The following TENM2 variants were observed in gnomAD, a reference collection of about 807,000 sequenced individuals.
The protein encoded by TENM2 is teneurin transmembrane protein 2.
TENM2 carries 52 observed loss-of-function variants against 245.2 expected under a neutral mutation model. The observed-to-expected ratio is 0.21, with a 90% CI of 0.17 to 0.27. The LOEUF is 0.27. TENM2 is among the 10% of genes least tolerant of loss of function. The pLI is 1.00. For missense variants in TENM2, 3,046 were observed against 3,666.8 expected (o/e 0.83, Z 4.37); for synonymous variants, 1,363 against 1,438.9 (o/e 0.95, Z 1.19).
intron 2 of TENM2, among the ~76,000 whole-genome samples, chr5:167,465,863 A>C (rs1218382337): frequency 1.3e-5 from 2 of 152,016 alleles, no homozygotes; most frequent in Non-Finnish European, 2.9e-5. Context: ...AAACATGCCC[A>C]AGGTCACAAA....
intron 2 of TENM2, among the ~76,000 whole-genome samples, chr5:167,419,129 G>GATAGATAGA (rs1763338269): frequency 6.7e-6 from 1 of 150,280 alleles, no homozygotes; most frequent in Non-Finnish European, 1.5e-5. Context: ...AGATGTGTAT[G>GATAGATAGA]TAGATAGATA....
intron 2 of TENM2, among the ~76,000 whole-genome samples, chr5:167,436,410 A>G (rs1009060265): frequency 5.9e-5 from 9 of 152,136 alleles, no homozygotes; most frequent in African/African-American, 2.2e-4. Context: ...CAAAGCATTC[A>G]AGAGGTAATT....
the TENM2 span, among the ~76,000 whole-genome samples, chr5:167,054,591 A>G: frequency 1.3e-5 from 2 of 152,102 alleles, no homozygotes; most frequent in Non-Finnish European, 2.9e-5. Flanking sequence ...ATATTTAGTT[A>G]TGAGAGAAAC....
At chr5:167,280,730 ATATC>A (rs1449954767), upstream of TENM2, among the ~76,000 whole-genome samples, 3 of 149,418 alleles carry the variant, frequency 2.0e-5, no homozygotes, top group Admixed American at 1.3e-4. Flanking sequence ...TGGGATATCT[ATATC>A]TATCTGTCTG....
chr5:168,090,169 T>C (rs1449025452), intron 7 of TENM2, among the ~76,000 whole-genome samples: 1 of 150,624 alleles, frequency 6.6e-6, no homozygotes, highest in Non-Finnish European at 1.5e-5. Context: ...TCCTCTGTAT[T>C]ACATAATGCA....
the TENM2 span, among the ~76,000 whole-genome samples, chr5:167,278,059 T>G: frequency 1.3e-5 from 2 of 152,160 alleles, no homozygotes; most frequent in African/African-American, 4.8e-5. Context: ...ATCCCAGCAC[T>G]TTGGGAGGCT....
chr5:167,820,317 G>C (rs916356280), intron 2 of TENM2, among the ~76,000 whole-genome samples: 1 of 152,202 alleles, frequency 6.6e-6, no homozygotes, highest in Non-Finnish European at 1.5e-5. Flanking sequence ...GCCAGTGTGT[G>C]TTTTCCAGAG....
At chr5:167,146,059 A>C in the TENM2 span, among the ~76,000 whole-genome samples, 2 of 152,144 alleles carry the variant, frequency 1.3e-5, no homozygotes, top group African/African-American at 4.8e-5. Flanking sequence ...TTCTGAGTTT[A>C]TATTGAGACG....
At chr5:167,559,936 G>A (rs531678142) in intron 2 of TENM2, among the ~76,000 whole-genome samples, 3 of 152,210 alleles carry the variant, frequency 2.0e-5, no homozygotes, top group South Asian at 4.1e-4. Context: ...CCAAGTGCAG[G>A]GCTGACAGAC....
chr5:166,986,454 T>C, the TENM2 span, among the ~76,000 whole-genome samples: 1 of 152,220 alleles, frequency 6.6e-6, no homozygotes. Flanking sequence ...AAATTTCCTT[T>C]TCAAATAGAT....
exon 1 of TENM2, chr5:167,285,024 G>A: frequency 6.4e-7 from 1 of 1,552,210 alleles, no homozygotes; most frequent in Admixed American, 2.0e-5. Flanking sequence ...CCGAGTCACA[G>A]ACCTCATCCA....
At chr5:167,531,047 G>C (rs953468932) in intron 2 of TENM2, among the ~76,000 whole-genome samples, 1 of 152,206 alleles carries the variant, frequency 6.6e-6, no homozygotes, top group African/African-American at 2.4e-5. Flanking sequence ...GCCTTCAAAT[G>C]AATGACACCG....
chr5:167,598,655 T>C (rs912180829), intron 2 of TENM2, among the ~76,000 whole-genome samples: 9 of 152,186 alleles, frequency 5.9e-5, no homozygotes, highest in Non-Finnish European at 1.0e-4. Context: ...CTGTGAAATT[T>C]AAACTACATC....
At chr5:167,382,692 C>T (rs1050654500) in intron 2 of TENM2, among the ~76,000 whole-genome samples, 2 of 152,076 alleles carry the variant, frequency 1.3e-5, no homozygotes, top group Non-Finnish European at 2.9e-5. Flanking sequence ...AAAAGATAAA[C>T]ACCATGGCAG....
chr5:166,994,227 C>A, the TENM2 span, among the ~76,000 whole-genome samples: 1 of 152,196 alleles, frequency 6.6e-6, no homozygotes, highest in African/African-American at 2.4e-5. Flanking sequence ...TGAAAGATAG[C>A]AAAATTCACT....
At chr5:167,876,005 A>T in exon 3 of TENM2, 1 of 1,550,898 alleles carries the variant, frequency 6.4e-7, no homozygotes, top group Non-Finnish European at 8.7e-7. Flanking sequence ...TTCCACCTAC[A>T]TCCTCGCCTA....
At chr5:167,515,081 T>C (rs1421991447) in intron 2 of TENM2, among the ~76,000 whole-genome samples, 1 of 152,170 alleles carries the variant, frequency 6.6e-6, no homozygotes, top group Non-Finnish European at 1.5e-5. Flanking sequence ...GCCATCAAGT[T>C]CATGAAGGTA....
chr5:167,979,409 A>G (rs1438841650), intron 4 of TENM2, among the ~76,000 whole-genome samples: 2 of 152,186 alleles, frequency 1.3e-5, no homozygotes, highest in East Asian at 1.9e-4. Flanking sequence ...GAGGTGACAG[A>G]TAAGGATCAC....
intron 9 of TENM2, among the ~76,000 whole-genome samples, chr5:168,117,419 A>G (rs889725551): frequency 6.6e-6 from 1 of 152,086 alleles, no homozygotes; most frequent in Non-Finnish European, 1.5e-5. Context: ...GAAACCACAA[A>G]TGGTACAAAC....
Sources: gnomAD v4.1 joint callset for allele counts (sites outside exome capture counted in the v4.1 genomes callset) on GRCh38, gnomAD v4.1.1 for gene constraint, MANE v1.5 for transcripts, NCBI Gene and HGNC (gene_info 2026-07-23, HGNC 2026-07-21) for gene names.